The following ADGRB3 variants were observed in gnomAD, a reference collection of about 807,000 sequenced individuals.
The protein encoded by ADGRB3 is adhesion G protein-coupled receptor B3, also known as brain-specific angiogenesis inhibitor 3.
In ADGRB3, 37 loss-of-function variants were observed where a neutral mutation model predicts 193.4. The ratio of observed to expected loss-of-function variants is 0.19; its 90% CI spans 0.15 to 0.25. The LOEUF is 0.25. Ranked by LOEUF, ADGRB3 falls within the 10% of genes least tolerant of loss-of-function variation. The pLI, the probability that ADGRB3 is intolerant of heterozygous loss-of-function variation, is 1.00. For synonymous variants in ADGRB3, 690 were observed against 644.2 expected, an observed-to-expected ratio of 1.07 and a Z score of -1.08; for missense variants, 1,637 against 1,852.9, an observed-to-expected ratio of 0.88 and a Z score of 2.14.
chr6:68,900,781 C>A (rs1018372238), intron 3 of ADGRB3, among the ~76,000 whole-genome samples: 1 of 152,130 alleles, frequency 6.6e-6, no homozygotes, highest in African/African-American at 2.4e-5. Flanking sequence ...CCTGGAGCAT[C>A]AACCAATTGA....
rs184231171 is a variant in ADGRB3 at position 69,328,632 on chromosome 6, A to G, written c.3035+743A>G. On this transcript the variant is annotated intron_variant, in intron 22 of 31. Coordinates refer to ENST00000370598, the MANE Select transcript of ADGRB3 (RefSeq NM_001704.3). ...TAATTATTTTGGGTTTGAGGTAGGAATCACTGCCAATTAGACCCTCTGATA... is the reference window on the plus strand; with the variant it reads ...TAATTATTTTGGGTTTGAGGTAGGAGTCACTGCCAATTAGACCCTCTGATA... 9.4e-4 allele frequency among the ~76,000 whole-genome samples: 143 copies of G among 152,250 alleles called. 1 individual carries two copies. The highest frequency in any genetic ancestry group is 3.4e-3 in the African/African-American group (141 of 41,562).
Position 69,239,132 on chromosome 6 carries a change from G to A in ADGRB3, c.2720G>A (p.Arg907His), listed in dbSNP as rs371369769. The change falls in exon 20 of 32, where the codon CGC becomes CAC. Residue 907 changes from arginine (R) to histidine (H), a missense_variant. Physicochemically the swap from Arg to His is conservative, Grantham distance 29 (BLOSUM62 0). Around this residue, in one of 7 missense-constraint regions of ADGRB3, gnomAD observed 641 missense variants for 673.9 expected, o/e 0.95. Transcript: ENST00000370598. ...VVYAALWRYIRSERSIILINF... is the reference protein window; with the variant it reads ...VVYAALWRYIHSERSIILINF... ...TTTCTCTCTCTGGCTAGGTACATAC[G>A]CTCTGAGAGATCCATAATACTAATT... 8 of 1,588,060 alleles carry A rather than the reference G, an allele frequency of 5.0e-6. No individual in the cohort carries two copies. The highest frequency in any genetic ancestry group is 4.5e-5 in the East Asian group (2 of 44,524).
chr6:69,058,632 G>A (rs747197566), intron 15 of ADGRB3, among the ~76,000 whole-genome samples: 1 of 151,754 alleles, frequency 6.6e-6, no homozygotes, highest in African/African-American at 2.4e-5. Flanking sequence ...ATGTTATGTG[G>A]TATGTTGTAT....
In ADGRB3 at chr6:69,332,752, C is replaced by T. The variant is rs992430186; in HGVS notation, c.3103-171C>T. The T allele has an allele frequency of 3.2e-5, 32 of 985,324 alleles. No homozygotes were observed. In the African/African-American group the frequency reaches 5.6e-4, roughly 17 times the overall value. The allele number at this position is 985,324 out of a possible 1,614,324, so 61.0% of individuals were successfully genotyped here. ...TTTACAACTTTAAAGTAGCACACCACTGTTAAATTGTTCCGTATGCCTCTG... is the reference window on the plus strand; with the variant it reads ...TTTACAACTTTAAAGTAGCACACCATTGTTAAATTGTTCCGTATGCCTCTG... On this transcript the variant is annotated intron_variant, in intron 23 of 31. Transcript: ENST00000370598.
rs547518740 is a variant in ADGRB3 at position 68,958,058 on chromosome 6, G to A, written c.1525+1249G>A. On this transcript the variant is annotated intron_variant, in intron 8 of 31. Coordinates refer to ENST00000370598, the MANE Select transcript of ADGRB3 (RefSeq NM_001704.3). ...TCTACTAAAAATACAAAAATTAGCCGGCCGTGGTGGCATGCACCTGTAATC... is the reference window on the plus strand; with the variant it reads ...TCTACTAAAAATACAAAAATTAGCCAGCCGTGGTGGCATGCACCTGTAATC... Among the ~76,000 whole-genome samples the A allele has an allele frequency of 2.3e-4, 35 of 152,044 alleles. 1 individual carries two copies. The South Asian group carries it at 6.0e-3, about 26-fold the overall frequency.
intron 3 of ADGRB3, among the ~76,000 whole-genome samples, chr6:68,647,857 T>C (rs1768251889): frequency 6.6e-6 from 1 of 152,174 alleles, no homozygotes; most frequent in African/African-American, 2.4e-5. Context: ...AAAGGATGAC[T>C]TAGCTGGAAT....
intron 20 of ADGRB3, among the ~76,000 whole-genome samples, chr6:69,283,042 G>GAA (rs1000992013): frequency 6.6e-6 from 1 of 152,050 alleles, no homozygotes; most frequent in Non-Finnish European, 1.5e-5. Context: ...AGGTGCAAAG[G>GAA]AAAAAACCCA....
intron 17 of ADGRB3, among the ~76,000 whole-genome samples, chr6:69,197,826 G>T (rs1445383890): frequency 6.6e-6 from 1 of 152,090 alleles, no homozygotes; most frequent in Non-Finnish European, 1.5e-5. Context: ...AAGGATTCAT[G>T]AAGTATTTTG....
At chr6:69,271,137 A>C (rs1767165799) in intron 20 of ADGRB3, among the ~76,000 whole-genome samples, 1 of 152,174 alleles carries the variant, frequency 6.6e-6, no homozygotes, top group Non-Finnish European at 1.5e-5. Context: ...AGGATGGAAT[A>C]ACTGTGAGAA....
At chr6:69,327,387 G>A (rs1195861436) in intron 21 of ADGRB3, among the ~76,000 whole-genome samples, 1 of 152,108 alleles carries the variant, frequency 6.6e-6, no homozygotes, top group Non-Finnish European at 1.5e-5. Context: ...CTTATTATAA[G>A]TACAGCTTGA....
intron 13 of ADGRB3, 144 bp from the exon 14 acceptor site, chr6:69,048,041 A>T: frequency 1.1e-6 from 1 of 893,966 alleles, no homozygotes. Context: ...GTCTAATAAG[A>T]CATAAGTTAT....
At position 69,337,456 on chromosome 6, in the gene ADGRB3, T is replaced by C. The variant is rs550724400; in HGVS notation, c.3189-1460T>C. 2.6e-4 allele frequency among the ~76,000 whole-genome samples: 39 copies of C among 152,300 alleles called. No individual in the cohort carries two copies. In the South Asian group the frequency reaches 3.5e-3, roughly 14 times the overall value. On this transcript the variant is annotated intron_variant, in intron 24 of 31. Coordinates refer to ENST00000370598, the MANE Select transcript of ADGRB3 (RefSeq NM_001704.3). ...TCCTATTAAATTAGAGTCTTTGTGG[T>C]TGGGGCCAGATAGACAGCTGATGTG... is the stretch of plus-strand genomic sequence containing the variant.
intron 20 of ADGRB3, among the ~76,000 whole-genome samples, chr6:69,265,128 G>A (rs1343411420): frequency 6.6e-6 from 1 of 151,792 alleles, no homozygotes; most frequent in Non-Finnish European, 1.5e-5. Flanking sequence ...CATCAGAATC[G>A]CCCATAGAGC....
chr6:68,956,539 T>G, intron 7 of ADGRB3, 106 bp from the exon 8 acceptor site: 1 of 1,341,998 alleles, frequency 7.5e-7, no homozygotes, highest in Non-Finnish European at 1.0e-6. Context: ...TTATTCACAG[T>G]AGTAGATTAA....
intron 3 of ADGRB3, among the ~76,000 whole-genome samples, chr6:68,778,840 C>T (rs535687807): frequency 2.6e-5 from 4 of 152,022 alleles, no homozygotes; most frequent in Non-Finnish European, 1.5e-5. Flanking sequence ...CTGGTTTGGA[C>T]TTAACCCAAA....
chr6:69,245,244 T>G (rs559540198), intron 20 of ADGRB3, among the ~76,000 whole-genome samples: 3 of 152,206 alleles, frequency 2.0e-5, no homozygotes, highest in Admixed American at 2.0e-4. Context: ...AATCCCATTC[T>G]CTATTCTGTA....
chr6:69,367,731 A>G (rs1769605489), intron 29 of ADGRB3, among the ~76,000 whole-genome samples: 1 of 152,032 alleles, frequency 6.6e-6, no homozygotes, highest in Admixed American at 6.6e-5. Flanking sequence ...AATAGCAAAG[A>G]CTTGGAACCA....
intron 20 of ADGRB3, among the ~76,000 whole-genome samples, chr6:69,261,828 A>G (rs999171592): frequency 2.6e-5 from 4 of 152,060 alleles, no homozygotes; most frequent in African/African-American, 9.7e-5. Context: ...GACCAGAAAA[A>G]CTAAAGGTTC....
At chr6:69,368,825 A>G (rs1019784347) in intron 29 of ADGRB3, among the ~76,000 whole-genome samples, 2 of 152,126 alleles carry the variant, frequency 1.3e-5, no homozygotes, top group Admixed American at 1.3e-4. Context: ...GATGGAGCTC[A>G]TCAGAGACTG....
Sources: gnomAD v4.1 joint callset for allele counts (sites outside exome capture counted in the v4.1 genomes callset) on GRCh38, gnomAD v4.1.1 for gene constraint, gnomAD v4.1.1 regional missense constraint, MANE v1.5 for transcripts, NCBI Gene and HGNC (gene_info 2026-07-23, HGNC 2026-07-21) for gene names.